The following LRRC72 variants were observed in gnomAD, a reference collection of about 807,000 sequenced individuals.
LRRC72 encodes leucine rich repeat containing 72.
Under a neutral mutation model 35.8 loss-of-function variants are expected in LRRC72, and 41 were observed. The observed-to-expected ratio is 1.15, with a 90% CI of 0.89 to 1.49. The LOEUF is 1.49. Ranked by LOEUF, LRRC72 falls within the 40% of genes most tolerant of loss-of-function variation. The pLI is 0.00. For synonymous variants in LRRC72, 118 were observed against 119.2 expected (o/e 0.99, Z 0.07); for missense variants, 389 against 330.7 (o/e 1.18, Z -1.37).
Position 16,550,116 on chromosome 7 carries a change from T to C in LRRC72, c.235-7244T>C, listed in dbSNP as rs1365073854. ...TGCCTGTAGTCCCAGCTACTTGGGA[T>C]GCTGAGGTGGGAGGATGCTTGAGCC... On this transcript the variant is annotated intron_variant, in intron 3 of 8. Coordinates refer to ENST00000401542, the MANE Select transcript of LRRC72 (RefSeq NM_001195280.2). 9.2e-5 allele frequency among the ~76,000 whole-genome samples: 14 copies of C among 152,008 alleles called. 1 individual carries two copies. Among genetic ancestry groups the C allele is most frequent in the Admixed American group, 7.2e-4 (11 of 15,242 alleles).
intron 3 of LRRC72, among the ~76,000 whole-genome samples, chr7:16,556,362 T>C (rs375966107): frequency 6.6e-6 from 1 of 152,296 alleles, no homozygotes; most frequent in East Asian, 1.9e-4. Flanking sequence ...TTCAAGTGAT[T>C]AACTGTACAA....
At chr7:16,527,121 C>G (rs1258951001) in intron 1 of LRRC72, 79 bp downstream of exon 1, 1 of 1,109,100 alleles carries the variant, frequency 9.0e-7, no homozygotes. Flanking sequence ...CTGAGGACTC[C>G]AGGCAGGTAC....
chr7:16,557,109 AGTTTG>A (rs1782662636), intron 3 of LRRC72, among the ~76,000 whole-genome samples: 1 of 152,206 alleles, frequency 6.6e-6, no homozygotes, highest in Admixed American at 6.5e-5. Context: ...CTAGCAAGCA[AGTTTG>A]GTTGAGATGT....
chr7:16,546,047 A>G (rs1782438242), intron 3 of LRRC72, among the ~76,000 whole-genome samples: 1 of 152,186 alleles, frequency 6.6e-6, no homozygotes. Flanking sequence ...AATTTATTGG[A>G]TAAGAACACC....
At chr7:16,558,826 G>T in intron 4 of LRRC72, 63 bp from the exon 5 acceptor site, 2 of 975,056 alleles carry the variant, frequency 2.1e-6, no homozygotes, top group South Asian at 2.4e-5. Flanking sequence ...ATTTTTATTT[G>T]CAATAAAAAA....
intron 8 of LRRC72, among the ~76,000 whole-genome samples, chr7:16,580,665 T>C (rs1783126613): frequency 6.6e-6 from 1 of 152,082 alleles, no homozygotes; most frequent in Admixed American, 6.5e-5. Flanking sequence ...AAATAAAAAA[T>C]AAACCTTAAC....
chr7:16,542,987 T>A (rs1220256830), intron 3 of LRRC72, among the ~76,000 whole-genome samples: 1 of 152,176 alleles, frequency 6.6e-6, no homozygotes, highest in African/African-American at 2.4e-5. Flanking sequence ...TTCTGAGTGG[T>A]TATGGGATAA....
chr7:16,574,969 G>A (rs535718640), intron 7 of LRRC72, among the ~76,000 whole-genome samples: 215 of 152,088 alleles, frequency 1.4e-3, no homozygotes, highest in Middle Eastern at 6.8e-3. Context: ...CACAAACTTA[G>A]CCAGGCATGA....
chr7:16,559,472 CAGAT>C (rs1328808376), intron 5 of LRRC72, among the ~76,000 whole-genome samples: 15 of 151,800 alleles, frequency 9.9e-5, no homozygotes, highest in Admixed American at 8.5e-4. Context: ...GAAAAAACAA[CAGAT>C]AGAAAAATTT....
chr7:16,577,483 C>T (rs1783061637), intron 7 of LRRC72, among the ~76,000 whole-genome samples: 1 of 152,096 alleles, frequency 6.6e-6, no homozygotes, highest in African/African-American at 2.4e-5. Flanking sequence ...CAAAGCCTCA[C>T]ACAAAACTCA....
intron 7 of LRRC72, among the ~76,000 whole-genome samples, chr7:16,570,657 A>C (rs1782926738): frequency 6.6e-6 from 1 of 152,036 alleles, no homozygotes; most frequent in African/African-American, 2.4e-5. Flanking sequence ...CATCTCTACC[A>C]AAAAATACAA....
chr7:16,542,395 T>C (rs960482413), intron 3 of LRRC72, among the ~76,000 whole-genome samples: 1 of 152,236 alleles, frequency 6.6e-6, no homozygotes, highest in Non-Finnish European at 1.5e-5. Flanking sequence ...ACCCCAAATA[T>C]CTGAGACAGG....
intron 3 of LRRC72, among the ~76,000 whole-genome samples, chr7:16,550,261 T>C (rs540268197): frequency 6.6e-6 from 1 of 152,106 alleles, no homozygotes. Flanking sequence ...AACTGAAGTA[T>C]AGCAATGGTT....
intron 1 of LRRC72, among the ~76,000 whole-genome samples, chr7:16,527,537 G>T (rs2128333758): frequency 6.6e-6 from 1 of 152,118 alleles, no homozygotes; most frequent in South Asian, 2.1e-4. Context: ...ACACCTTGAA[G>T]AGAAAACGTT....
At chr7:16,573,692 A>T (rs567086783) in intron 7 of LRRC72, among the ~76,000 whole-genome samples, 1 of 152,242 alleles carries the variant, frequency 6.6e-6, no homozygotes, top group Non-Finnish European at 1.5e-5. Context: ...ACCTAAAACC[A>T]TAAAACCCTA....
chr7:16,575,638 C>T (rs2128339188), intron 7 of LRRC72, among the ~76,000 whole-genome samples: 1 of 152,324 alleles, frequency 6.6e-6, no homozygotes, highest in South Asian at 2.1e-4. Flanking sequence ...CTTGATCTGA[C>T]ACATACCAAG....
chr7:16,531,058 G>C (rs552413317), intron 1 of LRRC72, among the ~76,000 whole-genome samples: 1 of 151,760 alleles, frequency 6.6e-6, no homozygotes, highest in African/African-American at 2.4e-5. Context: ...GTGTGGCAGC[G>C]TGCACCTGTA....
At chr7:16,545,428 G>T (rs2128335867) in intron 3 of LRRC72, among the ~76,000 whole-genome samples, 1 of 152,206 alleles carries the variant, frequency 6.6e-6, no homozygotes, top group African/African-American at 2.4e-5. Flanking sequence ...ACTTTTTCAG[G>T]TAGCTTTACA....
rs151328154 is a variant in LRRC72 at position 16,529,273 on chromosome 7, C to T, written c.90+2231C>T. On this transcript the variant is annotated intron_variant, in intron 1 of 8. Coordinates refer to ENST00000401542, the MANE Select transcript of LRRC72 (RefSeq NM_001195280.2). ...ATTCTTCTGCTTCTTCTGTTTTGTG[C>T]GCTTACTCTCCTCTTCCACCAACAT... Among the ~76,000 whole-genome samples, 110 of 152,288 alleles carry T rather than the reference C, an allele frequency of 7.2e-4. 2 individuals are homozygous for T. Among genetic ancestry groups the T allele is most frequent in the African/African-American group, 2.5e-3 (104 of 41,554 alleles).
Sources: allele counts gnomAD v4.1 joint callset (sites outside exome capture counted in the v4.1 genomes callset), GRCh38; gene constraint gnomAD v4.1.1; transcripts MANE v1.5; gene names NCBI Gene and HGNC (gene_info 2026-07-23, HGNC 2026-07-21).